MED12L: variants seen among roughly 807,000 people sequenced by gnomAD.
MED12L encodes mediator of RNA polymerase II transcription subunit 12-like protein.
In MED12L, 60 loss-of-function variants were observed where a neutral mutation model predicts 281.3. The ratio of observed to expected loss-of-function variants is 0.21; its 90% CI spans 0.17 to 0.26. MED12L has a LOEUF of 0.26. MED12L is among the 10% of genes least tolerant of loss of function. The probability of loss-of-function intolerance (pLI) is 1.00; values close to 1 mark genes in which losing one functional copy is unlikely to be tolerated. For synonymous variants in MED12L, 974 were observed against 987.2 expected, an observed-to-expected ratio of 0.99 and a Z score of 0.25; for missense variants, 2,146 against 2,680.9, an observed-to-expected ratio of 0.80 and a Z score of 4.41.
At chr3:151,227,923 G>A (rs1277809756) in intron 16 of MED12L, among the ~76,000 whole-genome samples, 2 of 152,138 alleles carry the variant, frequency 1.3e-5, no homozygotes, top group African/African-American at 4.8e-5. Context: ...GCAGTAGAAC[G>A]CCATGGTTTG....
chr3:151,241,610 A>G (rs1269532559), intron 16 of MED12L, among the ~76,000 whole-genome samples: 1 of 152,186 alleles, frequency 6.6e-6, no homozygotes. Context: ...AGTGGGTTAT[A>G]TATATGTGTG....
At chr3:151,290,244 C>T (rs757741527) in intron 16 of MED12L, among the ~76,000 whole-genome samples, 13 of 152,108 alleles carry the variant, frequency 8.5e-5, no homozygotes, top group Non-Finnish European at 1.6e-4. Flanking sequence ...AAATGTTTGC[C>T]TAAACTGAAA....
At chr3:151,344,715 A>G (rs914757979) in intron 16 of MED12L, among the ~76,000 whole-genome samples, 6 of 152,212 alleles carry the variant, frequency 3.9e-5, no homozygotes, top group African/African-American at 1.4e-4. Context: ...CATCCACTTC[A>G]TCTGTTTTTA....
chr3:151,328,858 C>A (rs753476138), intron 16 of MED12L: 4 of 1,613,992 alleles, frequency 2.5e-6, no homozygotes, highest in Non-Finnish European at 3.4e-6. Flanking sequence ...CAAACACCCA[C>A]AGAGCCAAAG....
chr3:151,337,007 G>A (rs1751088209), intron 16 of MED12L: 1 of 151,900 alleles, frequency 6.6e-6, no homozygotes, highest in Non-Finnish European at 1.5e-5. Context: ...AACCTAATTA[G>A]CAGCTATTTT....
At chr3:151,401,335 A>T (rs1271016619) in intron 39 of MED12L, among the ~76,000 whole-genome samples, 6 of 151,176 alleles carry the variant, frequency 4.0e-5, no homozygotes, top group Non-Finnish European at 8.8e-5. Context: ...CATTTCTTCT[A>T]TACATGTGGA....
At chr3:151,376,619 T>A (rs1756883040) in intron 28 of MED12L, among the ~76,000 whole-genome samples, 181 bp from the exon 29 acceptor site, 1 of 152,198 alleles carries the variant, frequency 6.6e-6, no homozygotes, top group Admixed American at 6.5e-5. Flanking sequence ...TGTTTCTGTT[T>A]ATTGGTTTGT....
chr3:151,324,947 G>GT (rs1198955149), intron 16 of MED12L, among the ~76,000 whole-genome samples: 1 of 152,054 alleles, frequency 6.6e-6, no homozygotes, highest in African/African-American at 2.4e-5. Flanking sequence ...CTGACTTTGG[G>GT]TTTTTTTGCT....
intron 16 of MED12L, chr3:151,198,624 T>A (rs770285432): frequency 6.2e-7 from 1 of 1,613,932 alleles, no homozygotes; most frequent in East Asian, 2.2e-5. Context: ...GAGCAATCAG[T>A]TATGACTTCT....
At position 151,328,492 on chromosome 3, in the gene MED12L, T is replaced by C. The variant is rs202237945; in HGVS notation, c.2251-21567T>C. 7.1e-5 allele frequency: 115 copies of C among 1,614,034 alleles called. 1 individual carries two copies. The East Asian group carries it at 2.5e-3, about 35-fold the overall frequency. ...AGGAAGCACACTTTTTCACAGACGA[T>C]GGTGTTGCTTCCTTGTTGCTCAAGA... On this transcript the variant is annotated intron_variant, in intron 16 of 44. Transcript: ENST00000687756.
At chr3:151,312,807 G>A (rs1747726144) in intron 16 of MED12L, among the ~76,000 whole-genome samples, 1 of 152,166 alleles carries the variant, frequency 6.6e-6, no homozygotes, top group Non-Finnish European at 1.5e-5. Context: ...ACTTACTTGG[G>A]CAGGTTACCC....
At position 151,341,798 on chromosome 3, in the gene MED12L, G is replaced by A. The variant is rs556306690; in HGVS notation, c.2251-8261G>A. On this transcript the variant is annotated intron_variant, in intron 16 of 44. Transcript: ENST00000687756. ...TGTGTCCATGTGTTCTCATTGTTCA[G>A]TTCCCACCTATGAGTGAGAATATGT... Among the ~76,000 whole-genome samples the A allele has an allele frequency of 1.9e-3, 283 of 148,948 alleles. 1 individual carries two copies. Among genetic ancestry groups the A allele is most frequent in the Non-Finnish European group, 3.1e-3 (208 of 67,582 alleles).
chr3:151,250,773 G>A (rs1736700907), intron 16 of MED12L, among the ~76,000 whole-genome samples: 1 of 152,100 alleles, frequency 6.6e-6, no homozygotes, highest in African/African-American at 2.4e-5. Context: ...AGTTCTTTTG[G>A]TTATGTGCCC....
chr3:151,149,554 G>C (rs1718181705), intron 5 of MED12L, among the ~76,000 whole-genome samples: 1 of 152,182 alleles, frequency 6.6e-6, no homozygotes. Context: ...GCTGCTGACT[G>C]ATCTAGGTGG....
chr3:151,142,178 G>C (rs768399185), intron 5 of MED12L, among the ~76,000 whole-genome samples: 1 of 152,184 alleles, frequency 6.6e-6, no homozygotes, highest in Non-Finnish European at 1.5e-5. Context: ...GACAAAGTTC[G>C]TGGAAAGTGG....
At chr3:151,304,070 C>CT (rs1166601081) in intron 16 of MED12L, among the ~76,000 whole-genome samples, 1 of 152,156 alleles carries the variant, frequency 6.6e-6, no homozygotes, top group African/African-American at 2.4e-5. Context: ...GCTCCACGTG[C>CT]TGGGGGGCCC....
chr3:151,367,514 A>G, intron 23 of MED12L, 132 bp from the exon 24 acceptor site: 2 of 729,216 alleles, frequency 2.7e-6, no homozygotes, highest in Non-Finnish European at 4.2e-6. Flanking sequence ...ATGATATGTT[A>G]TCATTTCCCT....
intron 27 of MED12L, among the ~76,000 whole-genome samples, chr3:151,375,726 A>G (rs1209933529): frequency 6.6e-6 from 1 of 152,088 alleles, no homozygotes; most frequent in Non-Finnish European, 1.5e-5. Context: ...CTGACACAAA[A>G]TAGTGCCTAG....
intron 16 of MED12L, among the ~76,000 whole-genome samples, chr3:151,243,611 A>T (rs1734718964): frequency 6.6e-6 from 1 of 151,884 alleles, no homozygotes; most frequent in Admixed American, 6.6e-5. Context: ...GAGCTCCTGA[A>T]GGAAGCGCTA....
Sources: allele counts gnomAD v4.1 joint callset (sites outside exome capture counted in the v4.1 genomes callset), GRCh38; gene constraint gnomAD v4.1.1; transcripts MANE v1.5; gene names NCBI Gene and HGNC (gene_info 2026-07-23, HGNC 2026-07-21).